VPS13C: variants seen among roughly 807,000 people sequenced by gnomAD.
VPS13C encodes the protein intermembrane lipid transfer protein VPS13C.
In VPS13C, 358 loss-of-function variants were observed where a neutral mutation model predicts 456.8. The ratio of observed to expected loss-of-function variants is 0.78; its 90% CI spans 0.72 to 0.86. The LOEUF is 0.86. Ranked by LOEUF, VPS13C falls within the 40% of genes least tolerant of loss-of-function variation. The pLI, the probability that VPS13C is intolerant of heterozygous loss-of-function variation, is 0.00. For synonymous variants in VPS13C, 1,578 were observed against 1,486.7 expected (o/e 1.06, Z -1.41); for missense variants, 4,818 against 4,385.4 (o/e 1.10, Z -2.79).
rs568923757 is a variant in VPS13C, at chr15:61,858,945, C to T, written c.10953-2536G>A. Among the ~76,000 whole-genome samples the T allele has an allele frequency of 1.9e-4, 29 of 152,302 alleles. 1 individual carries two copies. The South Asian group carries it at 5.2e-3, about 27-fold the overall frequency. On this transcript the variant is annotated intron_variant, in intron 82 of 84. Transcript: ENST00000644861. This position sits in a 1 kb window ranked among gnomAD's most constrained non-coding sequence, Gnocchi z 4.4. Reference sequence around the variant, plus strand: ...TTCTCTTCCAGTATAACATCCAAACCGCCAAGGATCTTTTAAAACTACAAG... The same window carrying T: ...TTCTCTTCCAGTATAACATCCAAACTGCCAAGGATCTTTTAAAACTACAAG...
At chr15:62,056,436 G>A (rs2048802759) in intron 1 of VPS13C, among the ~76,000 whole-genome samples, 1 of 152,258 alleles carries the variant, frequency 6.6e-6, no homozygotes, top group African/African-American at 2.4e-5. Context: ...TGCCCGGACA[G>A]GGCCAGCAGA....
intron 47 of VPS13C, among the ~76,000 whole-genome samples, chr15:61,939,330 A>C (rs1325319709): frequency 1.3e-5 from 2 of 152,196 alleles, no homozygotes; most frequent in African/African-American, 4.8e-5. Flanking sequence ...ATGAATGCCC[A>C]AACAAACAAA....
At chr15:61,957,424 C>T (rs113202988) in intron 37 of VPS13C, among the ~76,000 whole-genome samples, 1 of 151,802 alleles carries the variant, frequency 6.6e-6, no homozygotes, top group Non-Finnish European at 1.5e-5. Flanking sequence ...AATAGTGCAC[C>T]GAATATTTGT....
chr15:61,941,842 A>G lies in VPS13C; in HGVS notation c.5374T>C (p.Leu1792=). Residue 1792 remains leucine (L), a synonymous_variant, in exon 46 of 85, where the codon TTG becomes CTG. Coordinates refer to ENST00000644861, the MANE Select transcript of VPS13C (RefSeq NM_020821.3). ...GLIRVENKFS[L]VPMEHYSLPP... is the part of the protein sequence containing the mutation. Reference sequence around the variant, plus strand: ...AGAGAATAATGTTCCATAGGAACCAAGCTAAACTTGTTTTCAACTCTGATT... The same window carrying G: ...AGAGAATAATGTTCCATAGGAACCAGGCTAAACTTGTTTTCAACTCTGATT... The G allele has an allele frequency of 3.1e-6, 5 of 1,614,002 alleles. No homozygotes were observed. The highest frequency in any genetic ancestry group is 3.4e-6 in the Non-Finnish European group (4 of 1,179,880).
chr15:61,946,729 T>A (rs2044618136), intron 43 of VPS13C, among the ~76,000 whole-genome samples: 1 of 151,850 alleles, frequency 6.6e-6, no homozygotes, highest in South Asian at 2.1e-4. Flanking sequence ...TTAAATATCC[T>A]CTGCATTGGC....
At chr15:62,040,243 C>G (rs959221169) in intron 3 of VPS13C, among the ~76,000 whole-genome samples, 5 of 151,912 alleles carry the variant, frequency 3.3e-5, no homozygotes, top group African/African-American at 1.2e-4. Flanking sequence ...TTAATGAATA[C>G]AAAAACAAAG....
At chr15:61,934,364 G>A in intron 48 of VPS13C, 33 bp from the exon 49 acceptor site, 1 of 1,199,746 alleles carries the variant, frequency 8.3e-7, no homozygotes, top group Non-Finnish European at 1.1e-6. Flanking sequence ...TTTTAAGTAG[G>A]TACGTAATTT....
intron 1 of VPS13C, among the ~76,000 whole-genome samples, chr15:62,049,091 G>C (rs1271872245): frequency 6.6e-6 from 1 of 152,062 alleles, no homozygotes; most frequent in South Asian, 2.1e-4. Flanking sequence ...TTGCTGTGCA[G>C]AAGCTCTTTA....
In VPS13C at chr15:61,890,253, A is replaced by T; in HGVS notation, c.9253T>A (p.Tyr3085Asn). 1 of 1,614,096 alleles carries T rather than the reference A, an allele frequency of 6.2e-7. No individual in the cohort carries two copies. The highest frequency in any genetic ancestry group is 1.3e-5 in the African/African-American group (1 of 75,028). ...CTGTGGAGAGACAAGGTTATTTCAT[A>T]ATCAGCCTGTTCCATTTCTTCTGCC... ...LQAEEMEQAD[Y>N]EITLSLHSLG... The change falls in exon 67 of 85, where the codon TAT becomes AAT. Residue 3085 changes from tyrosine to asparagine, a missense_variant. This residue lies in a region of VPS13C where 4,552 missense variants were observed against 4,130.6 expected (regional missense o/e 1.10). Transcript: ENST00000644861.
At position 61,890,380 on chromosome 15, in the gene VPS13C, T is replaced by C. The variant is rs560547754; in HGVS notation, c.9126A>G (p.Pro3042=). The C allele has an allele frequency of 1.1e-5, 18 of 1,613,918 alleles. No homozygotes were observed. The African/African-American group carries it at 1.3e-4, about 12-fold the overall frequency. ...DLLKDGCGQF[P]YDANIQIHWV... is the part of the protein sequence containing the mutation. ...AGTGTATCTGGATGTTTGCATCATATGGAAACTGTCCACATCCATCCTGGG... is the reference window on the plus strand; with the variant it reads ...AGTGTATCTGGATGTTTGCATCATACGGAAACTGTCCACATCCATCCTGGG... The change falls in exon 67 of 85, where the codon CCA becomes CCG. Residue 3042 remains proline, a synonymous_variant. Coordinates refer to ENST00000644861, the MANE Select transcript of VPS13C (RefSeq NM_020821.3).
Position 61,882,588 on chromosome 15 carries a change from A to G in VPS13C, c.9624+8T>C. 1 of 1,513,332 alleles carries G rather than the reference A, an allele frequency of 6.6e-7. No homozygotes were observed. Among genetic ancestry groups the G allele is most frequent in the Non-Finnish European group, 8.8e-7 (1 of 1,134,888 alleles). 93.7% of individuals were successfully genotyped at this position (1,513,332 alleles called of 1,614,324 possible). ...TGATAAATACTTATTTGAGAATGAC[A>G]ATGTTACCTGAAGCCAGTACAACCT... On this transcript the variant is annotated splice_region_variant and intron_variant, in intron 69 of 84. Transcript: ENST00000644861.
At chr15:61,875,609 C>T in intron 76 of VPS13C, 123 bp downstream of exon 76, 1 of 686,030 alleles carries the variant, frequency 1.5e-6, no homozygotes. Context: ...AATTGATATA[C>T]TTTTGTGATT....
At chr15:62,021,883 C>T (rs2047474953) in intron 8 of VPS13C, among the ~76,000 whole-genome samples, 1 of 151,842 alleles carries the variant, frequency 6.6e-6, no homozygotes, top group Admixed American at 6.6e-5. Context: ...AATGTACTAT[C>T]TACAAACCAC....
intron 16 of VPS13C, among the ~76,000 whole-genome samples, chr15:61,995,288 T>G (rs1273286338): frequency 6.6e-6 from 1 of 152,028 alleles, no homozygotes; most frequent in Non-Finnish European, 1.5e-5. Flanking sequence ...AGCAGGCAAA[T>G]AGTAGAAGGG....
intron 5 of VPS13C, among the ~76,000 whole-genome samples, chr15:62,032,087 T>A (rs1401545222): frequency 1.3e-5 from 2 of 151,910 alleles, no homozygotes; most frequent in Non-Finnish European, 2.9e-5. Context: ...TTATGCTATA[T>A]CAATATATCT....
chr15:61,884,053 G>T, intron 68 of VPS13C, 75 bp downstream of exon 68: 1 of 1,343,958 alleles, frequency 7.4e-7, no homozygotes, highest in South Asian at 1.5e-5. Context: ...CTTTACTTGG[G>T]CATTACAATT....
intron 62 of VPS13C, among the ~76,000 whole-genome samples, chr15:61,912,245 T>TGAC (rs1289101934): frequency 1.5e-4 from 23 of 152,208 alleles, no homozygotes; most frequent in Non-Finnish European, 2.1e-4. Context: ...CGACTTACAA[T>TGAC]GACAGATTTA....
chr15:61,933,026 T>G (rs2044113461), intron 49 of VPS13C, among the ~76,000 whole-genome samples: 1 of 151,992 alleles, frequency 6.6e-6, no homozygotes. Flanking sequence ...GGATGAAAGG[T>G]AAAAAATCAA....
At chr15:62,020,578 G>T in intron 8 of VPS13C, 40 bp from the exon 9 acceptor site, 1 of 1,592,912 alleles carries the variant, frequency 6.3e-7, no homozygotes, top group South Asian at 1.1e-5. Flanking sequence ...TATGCTGATG[G>T]TGAAGGCGAA....
Sources: gnomAD v4.1 joint callset for allele counts (sites outside exome capture counted in the v4.1 genomes callset) on GRCh38, gnomAD v4.1.1 for gene constraint, gnomAD v4.1.1 regional missense constraint, Gnocchi (gnomAD v3.1) non-coding constraint, MANE v1.5 for transcripts, NCBI Gene and HGNC (gene_info 2026-07-23, HGNC 2026-07-21) for gene names.